The following MCTP2 variants were observed in gnomAD, a reference collection of about 807,000 sequenced individuals.
MCTP2 encodes the protein multiple C2 and transmembrane domain containing 2, also known as multiple C2 and transmembrane domain-containing protein 2.
A neutral mutation model predicts 111.6 loss-of-function variants in MCTP2; 132 were observed. The ratio of observed to expected loss-of-function variants is 1.18; its 90% confidence interval spans 1.03 to 1.37. The LOEUF (loss-of-function observed/expected upper bound fraction) is 1.37, where lower values mean the gene tolerates loss of function less well. Among genes scored for constraint, MCTP2 ranks in the 40% most tolerant of loss-of-function variants. MCTP2 has a pLI of 0.00. For synonymous variants in MCTP2, 395 were observed against 387.7 expected (o/e 1.02, Z -0.22); for missense variants, 1,183 against 1,067.9 (o/e 1.11, Z -1.50).
chr15:94,245,378 GTATATGTATTTATATACATGTGTGTA>G (rs2071808689), intron 1 of MCTP2, among the ~76,000 whole-genome samples: 1 of 122,194 alleles, frequency 8.2e-6, no homozygotes, highest in Non-Finnish European at 1.7e-5. Flanking sequence ...ACATACATAT[GTATATGTATTTATATACATGTGTGTA>G]TATATTTATA....
At chr15:94,444,407 A>G (rs540029525) in intron 19 of MCTP2, among the ~76,000 whole-genome samples, 2 of 152,282 alleles carry the variant, frequency 1.3e-5, no homozygotes, top group South Asian at 2.1e-4. Context: ...GTTTAAGTCA[A>G]TCTCTGGCCC....
chr15:94,440,089 A>C, intron 17 of MCTP2, 87 bp from the exon 18 acceptor site: 1 of 1,457,788 alleles, frequency 6.9e-7, no homozygotes. Context: ...AGTCCAATTG[A>C]ATCTCCTTAC....
At position 94,430,393 on chromosome 15, in the gene MCTP2, T is replaced by TCACACACACACACA. The variant is rs35129445; in HGVS notation, c.2086-9745_2086-9732dup. On this transcript the variant is annotated intron_variant, in intron 17 of 22. Coordinates refer to ENST00000357742, the MANE Select transcript of MCTP2 (RefSeq NM_001385001.1). ...ACAAACAAAAAAAACCCAAAAACAA[T>TCACACACACACACA]CACACACACACACACACACACACAC... Among the ~76,000 whole-genome samples the TCACACACACACACA allele has an allele frequency of 4.9e-4, 53 of 107,198 alleles. 2 individuals carry two copies. The highest frequency in any genetic ancestry group is 1.3e-3 in the African/African-American group (35 of 26,980). The allele number at this position is 107,198 out of a possible 152,430, so 70.3% of individuals were successfully genotyped here.
intron 12 of MCTP2, among the ~76,000 whole-genome samples, chr15:94,383,148 C>G (rs560559649): frequency 1.3e-5 from 2 of 152,094 alleles, no homozygotes; most frequent in Non-Finnish European, 2.9e-5. Flanking sequence ...ATTCTCATAA[C>G]GTACTGAGTA....
At chr15:94,440,326 T>A in intron 18 of MCTP2, 28 bp downstream of exon 18, 1 of 1,612,362 alleles carries the variant, frequency 6.2e-7, no homozygotes, top group East Asian at 2.2e-5. Flanking sequence ...GTTCTGACAT[T>A]TGACTGCCGA....
intron 1 of MCTP2, among the ~76,000 whole-genome samples, chr15:94,287,173 G>T (rs1179524368): frequency 6.6e-6 from 1 of 150,994 alleles, no homozygotes; most frequent in African/African-American, 2.4e-5. Context: ...AAAATACATT[G>T]TTCATTGGAG....
chr15:94,270,629 C>T (rs146786031), intron 1 of MCTP2, among the ~76,000 whole-genome samples: 20 of 152,112 alleles, frequency 1.3e-4, no homozygotes, highest in African/African-American at 4.3e-4. Context: ...CTGCCTACCC[C>T]CTATCCCCCT....
chr15:94,338,005 T>C (rs2077450753), intron 4 of MCTP2, among the ~76,000 whole-genome samples: 1 of 152,140 alleles, frequency 6.6e-6, no homozygotes, highest in Admixed American at 6.5e-5. Context: ...TAAATAGAAA[T>C]ATTAAAAGGA....
chr15:94,244,672 A>G, intron 1 of MCTP2, among the ~76,000 whole-genome samples: 1 of 147,956 alleles, frequency 6.8e-6, no homozygotes, highest in Non-Finnish European at 1.5e-5. Flanking sequence ...ATACATATCC[A>G]CCTATGTTTA....
chr15:94,389,482 T>G (rs1416385542), intron 14 of MCTP2, among the ~76,000 whole-genome samples: 1 of 152,080 alleles, frequency 6.6e-6, no homozygotes, highest in South Asian at 2.1e-4. Flanking sequence ...TGAAGCAAAT[T>G]AGTGAGAGAG....
chr15:94,243,936 CACAT>C (rs1023662108), intron 1 of MCTP2, among the ~76,000 whole-genome samples: 15 of 143,590 alleles, frequency 1.0e-4, no homozygotes, highest in African/African-American at 3.4e-4. Context: ...CATATGTGTA[CACAT>C]ACATATATGT....
Position 94,398,942 on chromosome 15 carries a change from T to A in MCTP2, c.1789-19T>A. On this transcript the variant is annotated intron_variant, in intron 14 of 22. Coordinates refer to ENST00000357742, the MANE Select transcript of MCTP2 (RefSeq NM_001385001.1). Reference sequence around the variant, plus strand: ...AGTAATTTTGCACCAATGTGTATTTTGTCTTTTGTTTGTGACAGATTAGAG... The same window carrying A: ...AGTAATTTTGCACCAATGTGTATTTAGTCTTTTGTTTGTGACAGATTAGAG... The A allele has an allele frequency of 7.0e-7, 1 of 1,437,022 alleles. No individual in the cohort carries two copies. The highest frequency in any genetic ancestry group is 1.2e-5 in the South Asian group (1 of 86,148). The allele number at this position is 1,437,022 out of a possible 1,614,324, so 89.0% of individuals were successfully genotyped here. A position where few individuals can be genotyped will look rare whatever the true frequency, so the allele number is the denominator to read the frequency against.
At chr15:94,328,372 C>G (rs1248409628) in intron 4 of MCTP2, among the ~76,000 whole-genome samples, 3 of 152,162 alleles carry the variant, frequency 2.0e-5, no homozygotes, top group Non-Finnish European at 4.4e-5. Context: ...TCGTGATCCA[C>G]CCGCCTTGGC....
chr15:94,325,298 A>C (rs2076811283), intron 4 of MCTP2, among the ~76,000 whole-genome samples: 1 of 152,188 alleles, frequency 6.6e-6, no homozygotes, highest in Non-Finnish European at 1.5e-5. Flanking sequence ...GGTGGAGCTG[A>C]AACAGTCATA....
At chr15:94,459,700 G>A (rs1214945954) in intron 20 of MCTP2, among the ~76,000 whole-genome samples, 1 of 152,130 alleles carries the variant, frequency 6.6e-6, no homozygotes, top group Non-Finnish European at 1.5e-5. Context: ...AATGAGGAGG[G>A]CATCATAATT....
rs546838905 is a variant in MCTP2, at chr15:94,244,077, T to A, written c.-66+12413T>A. The stretch of plus-strand genomic sequence containing the variant: ...ATACACATACATATGTGTATATATT[T>A]ATGCACACATATGTATACACATACA... On this transcript the variant is annotated intron_variant, in intron 1 of 22. Coordinates refer to ENST00000357742, the MANE Select transcript of MCTP2 (RefSeq NM_001385001.1). Among the ~76,000 whole-genome samples the A allele has an allele frequency of 2.9e-3, 414 of 142,626 alleles. 6 individuals are homozygous for A. The highest frequency in any genetic ancestry group is 0.01 in the African/African-American group (379 of 37,512). 93.6% of individuals were successfully genotyped at this position (142,626 alleles called of 152,430 possible).
At chr15:94,311,022 T>TG (rs928827566) in intron 2 of MCTP2, among the ~76,000 whole-genome samples, 2 of 140,270 alleles carry the variant, frequency 1.4e-5, no homozygotes, top group African/African-American at 5.4e-5. Context: ...TTTCCTTTTT[T>TG]TTTTTTTTTT....
chr15:94,355,837 T>C, intron 8 of MCTP2: 1 of 774,340 alleles, frequency 1.3e-6, no homozygotes, highest in African/African-American at 1.9e-5. Flanking sequence ...TTAAAATAGC[T>C]AAAGGCCCAG....
chr15:94,464,251 TA>T (rs1404665910), intron 20 of MCTP2, among the ~76,000 whole-genome samples: 4 of 48,156 alleles, frequency 8.3e-5, no homozygotes, highest in African/African-American at 2.4e-4. Flanking sequence ...TATATATATA[TA>T]TATATTATAT....
Sources: gnomAD v4.1 joint callset for allele counts (sites outside exome capture counted in the v4.1 genomes callset) on GRCh38, gnomAD v4.1.1 for gene constraint, MANE v1.5 for transcripts, NCBI Gene and HGNC (gene_info 2026-07-23, HGNC 2026-07-21) for gene names.